The following UCHL5 variants were observed in gnomAD, a reference collection of about 807,000 sequenced individuals.
UCHL5 encodes the protein ubiquitin C-terminal hydrolase L5.
In UCHL5, 34 loss-of-function variants were observed where a neutral mutation model predicts 53.8. The observed-to-expected ratio is 0.63, with a 90% confidence interval of 0.48 to 0.84. UCHL5 has a LOEUF of 0.84. UCHL5 is among the 40% of genes least tolerant of loss of function. UCHL5 has a pLI of 0.00. For missense variants in UCHL5, 290 were observed against 385.6 expected (o/e 0.75, Z 2.08); for synonymous variants, 111 against 126.3 (o/e 0.88, Z 0.81).
At chr1:193,043,151 T>TTAAA (rs1553255148) in intron 3 of UCHL5, among the ~76,000 whole-genome samples, 11 of 36,370 alleles carry the variant, frequency 3.0e-4, no homozygotes, top group South Asian at 1.5e-3. Flanking sequence ...TCTTGAATAT[T>TTAAA]AAAAAAAAAA....
intron 3 of UCHL5, among the ~76,000 whole-genome samples, chr1:193,030,571 C>T (rs1661014666): frequency 6.6e-6 from 1 of 152,160 alleles, no homozygotes; most frequent in African/African-American, 2.4e-5. Flanking sequence ...CTGGAAAGAA[C>T]CTTAGATGAT....
chr1:193,029,154 A>G (rs746709115), intron 6 of UCHL5, 25 bp downstream of exon 6: 1 of 1,600,642 alleles, frequency 6.2e-7, no homozygotes, highest in Non-Finnish European at 8.5e-7. Flanking sequence ...CAAAAGTGAA[A>G]TATCAGGAAC....
chr1:193,045,532 C>A (rs1219897057), intron 3 of UCHL5, among the ~76,000 whole-genome samples: 2 of 152,228 alleles, frequency 1.3e-5, no homozygotes, highest in Admixed American at 6.5e-5. Flanking sequence ...TTGCCTACCA[C>A]CATGAGTAAA....
intron 3 of UCHL5, among the ~76,000 whole-genome samples, chr1:193,042,109 A>G (rs1447701374): frequency 2.0e-5 from 3 of 152,104 alleles, no homozygotes; most frequent in Non-Finnish European, 2.9e-5. Context: ...CTGTCTCCAA[A>G]AAAAGAAAAA....
At chr1:193,044,629 C>T (rs1666791488) in intron 3 of UCHL5, among the ~76,000 whole-genome samples, 2 of 152,098 alleles carry the variant, frequency 1.3e-5, no homozygotes, top group Middle Eastern at 3.4e-3. Context: ...TTGAGGTAAT[C>T]CCATTATAAA....
At chr1:193,019,678 C>G (rs1329399373) in intron 10 of UCHL5, among the ~76,000 whole-genome samples, 1 of 151,620 alleles carries the variant, frequency 6.6e-6, no homozygotes, top group Non-Finnish European at 1.5e-5. Context: ...AATAATTATT[C>G]TAATGTTAAG....
At position 193,029,399 on chromosome 1, in the gene UCHL5, G is replaced by A. The variant is rs892982891; in HGVS notation, c.423C>T (p.Asn141=). The change falls in exon 5 of 11, where the codon AAC becomes AAT. Residue 141 remains asparagine (N), a synonymous_variant. Coordinates refer to ENST00000367454, the MANE Select transcript of UCHL5 (RefSeq NM_001199261.3). ...SNSDVIRQVH[N]SFARQQMFEF... The stretch of plus-strand genomic sequence containing the variant: ...TAAAGTCTCTTTACCTGGCGAAACT[G>A]TTGTGTACTTGTCGAATCACATCTG... The A allele has an allele frequency of 6.2e-7, 1 of 1,613,764 alleles. No individual in the cohort carries two copies. Among genetic ancestry groups the A allele is most frequent in the Admixed American group, 1.7e-5 (1 of 59,996 alleles).
In UCHL5 at chr1:193,016,248, C is replaced by T. The variant is rs184132625; in HGVS notation, c.*103G>A. The T allele has an allele frequency of 1.8e-5, 24 of 1,342,576 alleles. No individual in the cohort carries two copies. The highest frequency in any genetic ancestry group is 1.8e-4 in the Middle Eastern group (1 of 5,414). 83.2% of individuals were successfully genotyped at this position (1,342,576 alleles called of 1,614,324 possible). Reference sequence around the variant, plus strand: ...AAGACAGGCTGGCACTATTGCCAAACGTGCACTGAGCCAATTAGGATGTTG... The same window carrying T: ...AAGACAGGCTGGCACTATTGCCAAATGTGCACTGAGCCAATTAGGATGTTG... On this transcript the variant is annotated 3_prime_UTR_variant, in exon 11 of 11. Coordinates refer to ENST00000367454, the MANE Select transcript of UCHL5 (RefSeq NM_001199261.3).
intron 3 of UCHL5, among the ~76,000 whole-genome samples, chr1:193,037,393 G>C (rs1033162202): frequency 4.6e-5 from 7 of 151,744 alleles, no homozygotes; most frequent in African/African-American, 1.7e-4. Context: ...CCTAGAAATG[G>C]ACAAATTCCT....
At chr1:193,024,582 T>C (rs532069170) in intron 7 of UCHL5, among the ~76,000 whole-genome samples, 3 of 148,630 alleles carry the variant, frequency 2.0e-5, no homozygotes, top group Admixed American at 6.7e-5. Context: ...TTTTATCTTA[T>C]ATGTAAATAA....
At chr1:193,039,372 AC>A (rs1421194291) in intron 3 of UCHL5, among the ~76,000 whole-genome samples, 2 of 152,164 alleles carry the variant, frequency 1.3e-5, no homozygotes, top group Non-Finnish European at 2.9e-5. Context: ...TCGTGCCACT[AC>A]ATTCCAGCCT....
chr1:193,028,779 A>G (rs1660297386), intron 6 of UCHL5, among the ~76,000 whole-genome samples: 2 of 152,178 alleles, frequency 1.3e-5, no homozygotes, highest in African/African-American at 4.8e-5. Flanking sequence ...TGATTGCAAA[A>G]CAATAAATTA....
At chr1:193,059,804 G>A (rs143447820), upstream of UCHL5, 12,320 of 1,356,706 alleles carry the variant, frequency 9.1e-3, 71 homozygotes, top group Non-Finnish European at 0.01. The surrounding 1 kb of genome is among the most constrained non-coding windows in gnomAD (Gnocchi z 4.9). Context: ...GGCCGGCTGG[G>A]AGCCTTTTGT....
intron 3 of UCHL5, among the ~76,000 whole-genome samples, chr1:193,046,572 T>C (rs1400382080): frequency 6.6e-6 from 1 of 151,280 alleles, no homozygotes; most frequent in African/African-American, 2.4e-5. Flanking sequence ...ATCTGTAAAA[T>C]GATGAGAAGC....
At chr1:193,026,488 G>A (rs531294299) in intron 7 of UCHL5, among the ~76,000 whole-genome samples, 45 of 152,226 alleles carry the variant, frequency 3.0e-4, no homozygotes, top group South Asian at 4.1e-4. Context: ...CTAAAGGCAC[G>A]AAAAGATTTT....
rs1297036136 is a variant in UCHL5, at chr1:193,029,533, G to A, written c.371C>T (p.Ala124Val). 6.8e-6 allele frequency: 11 copies of A among 1,613,322 alleles called. No homozygotes were observed. Among genetic ancestry groups the A allele is most frequent in the Non-Finnish European group, 8.5e-6 (10 of 1,179,710 alleles). The change falls in exon 4 of 11, where the codon GCT becomes GTT. Residue 124 changes from alanine (A) to valine (V), a missense_variant and splice_region_variant. Physicochemically the swap from Ala to Val is moderately conservative, Grantham distance 64 (BLOSUM62 0). Coordinates refer to ENST00000367454, the MANE Select transcript of UCHL5 (RefSeq NM_001199261.3). ...FKEFSQSFDA[A>V]MKGLALSNSD... ...TAGGAATAAGAAGATTGTACTCACA[G>A]CTGCATCAAAACTTTGTGAAAATTC... is the stretch of plus-strand genomic sequence containing the variant.
chr1:193,015,787 T>A lies in UCHL5; in HGVS notation c.*564A>T, dbSNP rs981113872. 6.6e-6 allele frequency: 1 copy of A among 152,096 alleles called. No individual in the cohort carries two copies. Among genetic ancestry groups the A allele is most frequent in the Non-Finnish European group, 1.5e-5 (1 of 67,964 alleles). The allele number at this position is 152,096 out of a possible 1,614,324, so 9.4% of individuals were successfully genotyped here. A position where few individuals can be genotyped will look rare whatever the true frequency, so the allele number is the denominator to read the frequency against. The stretch of plus-strand genomic sequence containing the variant: ...ACTAAAATAAAATTGAGATGTTTAT[T>A]ACTTTTCTACTGACAGCAGTGAAAA... On this transcript the variant is annotated 3_prime_UTR_variant, in exon 11 of 11. Transcript: ENST00000367454.
chr1:193,029,523 T>C lies in UCHL5; in HGVS notation c.372+9A>G, dbSNP rs1660596055. ...TATGACATTTTAGGAATAAGAAGATTGTACTCACAGCTGCATCAAAACTTT... is the reference window on the plus strand; with the variant it reads ...TATGACATTTTAGGAATAAGAAGATCGTACTCACAGCTGCATCAAAACTTT... On this transcript the variant is annotated intron_variant, in intron 4 of 10. Transcript: ENST00000367454. 6.2e-7 allele frequency: 1 copy of C among 1,612,952 alleles called. No individual in the cohort carries two copies. The highest frequency in any genetic ancestry group is 1.3e-5 in the African/African-American group (1 of 75,016).
chr1:193,023,019 A>G lies in UCHL5; in HGVS notation c.750T>C (p.Asp250=). The G allele has an allele frequency of 6.2e-7, 1 of 1,612,950 alleles. No individual in the cohort carries two copies. The highest frequency in any genetic ancestry group is 8.5e-7 in the Non-Finnish European group (1 of 1,179,332). Residue 250 remains aspartate, a synonymous_variant, in exon 9 of 11, where the codon GAT becomes GAC. Coordinates refer to ENST00000367454, the MANE Select transcript of UCHL5 (RefSeq NM_001199261.3). ...RQLAEEPMDT[D]QGNSMLSAIQ... ...TAGCACTTAACATACTATTACCTTG[A>G]TCTGTATCCATGGGTTCCTCCTTGG...
Sources: gnomAD v4.1 joint callset for allele counts (sites outside exome capture counted in the v4.1 genomes callset) on GRCh38, gnomAD v4.1.1 for gene constraint, Gnocchi (gnomAD v3.1) non-coding constraint, MANE v1.5 for transcripts, NCBI Gene and HGNC (gene_info 2026-07-23, HGNC 2026-07-21) for gene names.